The following NLRP7 variants were observed in gnomAD, a reference collection of about 807,000 sequenced individuals.
NLRP7 encodes NACHT, LRR and PYD domains-containing protein 7.
Under a neutral mutation model 85.5 loss-of-function variants are expected in NLRP7, and 72 were observed. The observed-to-expected ratio is 0.84, with a 90% CI of 0.70 to 1.02. The LOEUF (loss-of-function observed/expected upper bound fraction) is 1.02. Ranked by LOEUF, NLRP7 falls within the 50% of genes least tolerant of loss-of-function variation. NLRP7 has a pLI of 0.00. For missense variants in NLRP7, 1,243 were observed against 1,219.5 expected, an observed-to-expected ratio of 1.02 and a Z score of -0.29; for synonymous variants, 550 against 505.2, an observed-to-expected ratio of 1.09 and a Z score of -1.19.
chr19:54,938,966 T>C (rs1439085727), exon 4 of NLRP7: 1 of 1,614,066 alleles, frequency 6.2e-7, no homozygotes, highest in African/African-American at 1.3e-5. Context: ...TGAGAGTTTC[T>C]GCAAGTCTTG....
intron 1 of NLRP7, among the ~76,000 whole-genome samples, chr19:54,963,416 G>A (rs182903947): frequency 6.6e-5 from 10 of 152,086 alleles, no homozygotes; most frequent in Non-Finnish European, 1.0e-4. Flanking sequence ...AAGGCTGGGC[G>A]CGGTGGTTCG....
Position 54,934,671 on chromosome 19 carries a change from G to A in NLRP7, c.2301-12C>T, listed in dbSNP as rs776895219. 10 of 1,609,522 alleles carry A rather than the reference G, an allele frequency of 6.2e-6. No individual in the cohort carries two copies. The highest frequency in any genetic ancestry group is 1.1e-5 in the South Asian group (1 of 90,772). On this transcript the variant is annotated splice_polypyrimidine_tract_variant and intron_variant, in intron 6 of 9. Transcript: ENST00000340844. This position sits in a 1 kb window ranked among gnomAD's most constrained non-coding sequence, Gnocchi z 6.7. ...AGTGACCTCCCAACCTGTGAAAAGA[G>A]TGGGAAAAGTCATTCTTCTGGGAGG...
At chr19:54,930,477 G>A (rs927244042) in intron 9 of NLRP7, 22 bp downstream of exon 9, 1 of 1,555,310 alleles carries the variant, frequency 6.4e-7, no homozygotes, top group East Asian at 2.2e-5. Flanking sequence ...AAGAAAGAAA[G>A]AAGAAAAAGA....
At chr19:54,936,550 A>G in intron 5 of NLRP7, 119 bp from the exon 6 acceptor site, 1 of 889,672 alleles carries the variant, frequency 1.1e-6, no homozygotes, top group Non-Finnish European at 1.8e-6. Flanking sequence ...GGCCGGGTGC[A>G]GTGGCTCGTG....
At chr19:54,933,336 A>G (rs1478315382) in intron 8 of NLRP7, among the ~76,000 whole-genome samples, 2 of 152,000 alleles carry the variant, frequency 1.3e-5, no homozygotes, top group East Asian at 3.9e-4. Flanking sequence ...TAGTACAGAC[A>G]GGGTTTCACC....
intron 8 of NLRP7, among the ~76,000 whole-genome samples, chr19:54,931,619 C>T (rs58786078): frequency 0.04 from 6,016 of 150,096 alleles, 159 homozygotes; most frequent in African/African-American, 0.069. Flanking sequence ...ACTGGGGAGA[C>T]GGAGGTTGTG....
exon 4 of NLRP7, chr19:54,940,299 C>T (rs2069165642): frequency 6.2e-7 from 1 of 1,614,076 alleles, no homozygotes. Flanking sequence ...TGCAGCACCA[C>T]CGTGTAAGGT....
intron 1 of NLRP7, among the ~76,000 whole-genome samples, chr19:54,957,818 G>C (rs1189363668): frequency 6.6e-6 from 1 of 152,118 alleles, no homozygotes; most frequent in Admixed American, 6.6e-5. Flanking sequence ...AACCTAGGAG[G>C]GTGGAGGGAA....
At chr19:54,938,736 A>C (rs2069057118) in intron 4 of NLRP7, 152 bp downstream of exon 4, 2 of 875,468 alleles carry the variant, frequency 2.3e-6, no homozygotes, top group South Asian at 1.5e-5. Context: ...AAAAATAAAA[A>C]GCCCCAATTC....
chr19:54,935,460 C>T (rs987812519), intron 6 of NLRP7, among the ~76,000 whole-genome samples: 1 of 152,100 alleles, frequency 6.6e-6, no homozygotes, highest in Non-Finnish European at 1.5e-5. Flanking sequence ...CTTTGGGAGG[C>T]CGAGACAGGC....
exon 3 of NLRP7, chr19:54,940,964 C>A: frequency 6.2e-7 from 1 of 1,613,006 alleles, no homozygotes; most frequent in South Asian, 1.1e-5. Flanking sequence ...TCTTCTGCAT[C>A]TCCCAGCTCA....
chr19:54,941,826 C>T, intron 1 of NLRP7, 76 bp from the exon 2 acceptor site: 1 of 1,089,698 alleles, frequency 9.2e-7, no homozygotes, highest in Non-Finnish European at 1.3e-6. Context: ...GTGCCAAGAA[C>T]AAGACTGTTC....
At chr19:54,947,787 C>T (rs2069539655), upstream of NLRP7, 6 of 539,754 alleles carry the variant, frequency 1.1e-5, 1 homozygote, top group South Asian at 4.8e-5. Flanking sequence ...GTGTGATAGG[C>T]GACAGAACAG....
rs1006551046 is a variant in NLRP7, at chr19:54,934,079, G to A, written c.2472-340C>T. On this transcript the variant is annotated intron_variant, in intron 7 of 9. Coordinates refer to ENST00000340844, the Ensembl canonical transcript of NLRP7. The surrounding 1 kb of genome is among the most constrained non-coding windows in gnomAD (Gnocchi z 6.7). ...CTGACTCAGCCTCCTGAGTAGCTGG[G>A]ACTACAGGCGCCCACCACACCTGGA... is the stretch of plus-strand genomic sequence containing the variant. Among the ~76,000 whole-genome samples the A allele has an allele frequency of 3.3e-5, 5 of 152,092 alleles. No homozygotes were observed. Among genetic ancestry groups the A allele is most frequent in the Non-Finnish European group, 5.9e-5 (4 of 68,012 alleles).
intron 8 of NLRP7, among the ~76,000 whole-genome samples, chr19:54,933,246 C>T (rs1020822411): frequency 6.6e-6 from 1 of 152,060 alleles, no homozygotes; most frequent in Non-Finnish European, 1.5e-5. Context: ...TCCAGGTTCA[C>T]GCCATTCTCC....
chr19:54,936,298 G>A, exon 6 of NLRP7: 1 of 1,613,904 alleles, frequency 6.2e-7, no homozygotes, highest in Non-Finnish European at 8.5e-7. Context: ...TTTCTGAGCA[G>A]GTCACACAGC....
exon 5 of NLRP7, chr19:54,938,201 G>C (rs1255518684): frequency 6.2e-7 from 1 of 1,614,010 alleles, no homozygotes; most frequent in Non-Finnish European, 8.5e-7. Flanking sequence ...AGAGAGCGAA[G>C]ATCCTGCCGA....
intron 1 of NLRP7, among the ~76,000 whole-genome samples, chr19:54,945,257 A>G (rs939437860): frequency 4.7e-5 from 7 of 148,716 alleles, no homozygotes; most frequent in Non-Finnish European, 1.0e-4. Context: ...AAAAAAAAAG[A>G]AAAGAAAAGA....
At chr19:54,949,301 C>T (rs569826552), upstream of NLRP7, among the ~76,000 whole-genome samples, 5 of 150,802 alleles carry the variant, frequency 3.3e-5, no homozygotes, top group Non-Finnish European at 5.9e-5. Flanking sequence ...GATGGCCAGG[C>T]GCAGTGGTTC....
Sources: gnomAD v4.1 joint callset for allele counts (sites outside exome capture counted in the v4.1 genomes callset) on GRCh38, gnomAD v4.1.1 for gene constraint, Gnocchi (gnomAD v3.1) non-coding constraint, MANE v1.5 for transcripts, NCBI Gene and HGNC (gene_info 2026-07-23, HGNC 2026-07-21) for gene names.